DPP10: variants seen among roughly 807,000 people sequenced by gnomAD.
DPP10 encodes dipeptidyl peptidase like 10.
A neutral mutation model predicts 120.9 loss-of-function variants in DPP10; 33 were observed. That is an observed-to-expected ratio of 0.27 (90% CI 0.21 to 0.37). The LOEUF (loss-of-function observed/expected upper bound fraction) is 0.37, where lower values mean the gene tolerates loss of function less well. Among genes scored for constraint, DPP10 ranks in the 10% least tolerant of loss-of-function variants. DPP10 has a pLI of 1.00. For missense variants in DPP10, 816 were observed against 942.8 expected (o/e 0.87, Z 1.76); for synonymous variants, 337 against 326.1 (o/e 1.03, Z -0.36).
At position 114,540,071 on chromosome 2, in the gene DPP10, A is replaced by G. The variant is rs546331561; in HGVS notation, c.60+97233A>G. On this transcript the variant is annotated intron_variant, in intron 1 of 25. Coordinates refer to ENST00000410059, the MANE Select transcript of DPP10 (RefSeq NM_020868.6). ...AATGGAAATCTAAGGTTTGAGTAAC[A>G]GGAAATGTGCAACATATTTTCAAAG... Among the ~76,000 whole-genome samples the G allele has an allele frequency of 2.0e-5, 3 of 152,200 alleles. No homozygotes were observed. In the South Asian group the frequency reaches 6.2e-4, roughly 31 times the overall value.
At chr2:115,099,543 C>A (rs780242176) in intron 1 of DPP10, among the ~76,000 whole-genome samples, 1 of 152,056 alleles carries the variant, frequency 6.6e-6, no homozygotes, top group Non-Finnish European at 1.5e-5. Flanking sequence ...AGGTCAAGGA[C>A]CTTTAAACCT....
intron 3 of DPP10, among the ~76,000 whole-genome samples, chr2:115,437,229 C>T (rs1424233580): frequency 6.6e-6 from 1 of 152,016 alleles, no homozygotes; most frequent in Non-Finnish European, 1.5e-5. Context: ...GAGATTTCTA[C>T]TGAATTAACT....
chr2:115,459,852 G>A (rs2073875477), intron 3 of DPP10, among the ~76,000 whole-genome samples: 1 of 150,486 alleles, frequency 6.6e-6, no homozygotes, highest in South Asian at 2.1e-4. Context: ...GAACAAGCTG[G>A]AAAGGACTAC....
intron 5 of DPP10, among the ~76,000 whole-genome samples, chr2:115,613,463 G>A (rs2084262522): frequency 6.6e-6 from 1 of 152,176 alleles, no homozygotes; most frequent in Non-Finnish European, 1.5e-5. Context: ...ATGCCCTTGA[G>A]TTCTTTAGGG....
rs187645085 is a variant in DPP10 at position 114,941,420 on chromosome 2, T to C, written c.61-367819T>C. On this transcript the variant is annotated intron_variant, in intron 1 of 25. Coordinates refer to ENST00000410059, the MANE Select transcript of DPP10 (RefSeq NM_020868.6). ...AGCTTCTCCATGAACAATCACTCTT[T>C]ATTCCATAAATGATCCAGATGTTCC... Among the ~76,000 whole-genome samples, 90 of 152,354 alleles carry C rather than the reference T, an allele frequency of 5.9e-4. 2 individuals are homozygous for C. The highest frequency in any genetic ancestry group is 6.8e-3 in the Middle Eastern group (2 of 294).
At chr2:115,710,649 A>G (rs1260788418) in intron 7 of DPP10, among the ~76,000 whole-genome samples, 2 of 152,144 alleles carry the variant, frequency 1.3e-5, no homozygotes, top group Admixed American at 1.3e-4. Context: ...ACAAGTCACT[A>G]TAAAATGCCT....
At chr2:114,640,703 C>T (rs911345635) in intron 1 of DPP10, among the ~76,000 whole-genome samples, 3 of 151,858 alleles carry the variant, frequency 2.0e-5, no homozygotes, top group Admixed American at 1.3e-4. Context: ...GTCTTTCTAC[C>T]AGTCAACCAC....
chr2:115,842,062 T>A (rs982532212), intron 25 of DPP10, 149 bp from the exon 26 acceptor site: 6 of 673,734 alleles, frequency 8.9e-6, no homozygotes, highest in Non-Finnish European at 1.4e-5. Context: ...TTTTAAAAGT[T>A]TAGCATGAAT....
chr2:114,469,681 T>C (rs1021239010), intron 1 of DPP10, among the ~76,000 whole-genome samples: 3 of 152,060 alleles, frequency 2.0e-5, no homozygotes, highest in African/African-American at 4.8e-5. Context: ...TGAGCTGAGA[T>C]TGCACCACTG....
intron 21 of DPP10, among the ~76,000 whole-genome samples, chr2:115,834,814 C>A (rs548878005): frequency 6.6e-6 from 1 of 152,006 alleles, no homozygotes; most frequent in Non-Finnish European, 1.5e-5. Context: ...AAGCCGGGCG[C>A]GGTGGCTCAC....
At chr2:114,966,570 T>C (rs991620277) in intron 1 of DPP10, among the ~76,000 whole-genome samples, 39 of 152,126 alleles carry the variant, frequency 2.6e-4, no homozygotes, top group Non-Finnish European at 2.4e-4. Context: ...ATCCATTAGA[T>C]TCATGAACCA....
chr2:115,593,081 G>T (rs1045499569), intron 5 of DPP10, among the ~76,000 whole-genome samples: 1 of 152,060 alleles, frequency 6.6e-6, no homozygotes, highest in African/African-American at 2.4e-5. Context: ...AAGATAAATT[G>T]GTATATACAG....
At chr2:114,827,660 C>T (rs903625573) in intron 1 of DPP10, among the ~76,000 whole-genome samples, 1 of 151,918 alleles carries the variant, frequency 6.6e-6, no homozygotes, top group Non-Finnish European at 1.5e-5. Flanking sequence ...TGTGCATGTA[C>T]AAGTGTTTAA....
chr2:115,362,529 T>C (rs1394155297), intron 3 of DPP10, among the ~76,000 whole-genome samples: 1 of 152,134 alleles, frequency 6.6e-6, no homozygotes, highest in Non-Finnish European at 1.5e-5. Context: ...TTTTCCAACT[T>C]TTGGTTAAGC....
At chr2:115,147,157 T>C (rs1343453903) in intron 1 of DPP10, among the ~76,000 whole-genome samples, 1 of 151,220 alleles carries the variant, frequency 6.6e-6, no homozygotes, top group Non-Finnish European at 1.5e-5. Context: ...CTATATATAC[T>C]ATATATATGC....
At chr2:114,854,989 C>T (rs1689261561) in intron 1 of DPP10, among the ~76,000 whole-genome samples, 1 of 152,158 alleles carries the variant, frequency 6.6e-6, no homozygotes, top group South Asian at 2.1e-4. Context: ...TCTACTTCTA[C>T]TCCTCAGACC....
At chr2:115,734,306 A>G (rs1030024841) in intron 8 of DPP10, among the ~76,000 whole-genome samples, 3 of 152,124 alleles carry the variant, frequency 2.0e-5, no homozygotes, top group Non-Finnish European at 4.4e-5. Flanking sequence ...TTAGAAATCT[A>G]GAGTATTGAT....
At chr2:114,597,365 C>A (rs1411463567) in intron 1 of DPP10, among the ~76,000 whole-genome samples, 1 of 151,920 alleles carries the variant, frequency 6.6e-6, no homozygotes, top group East Asian at 1.9e-4. Context: ...GTTACAAAGA[C>A]CCATTCAAGG....
intron 5 of DPP10, among the ~76,000 whole-genome samples, chr2:115,572,579 A>T (rs1195767854): frequency 6.6e-6 from 1 of 152,200 alleles, no homozygotes; most frequent in Non-Finnish European, 1.5e-5. Context: ...ATACTTACAA[A>T]CAGAGCACAA....
Sources: allele counts gnomAD v4.1 joint callset (sites outside exome capture counted in the v4.1 genomes callset), GRCh38; gene constraint gnomAD v4.1.1; transcripts MANE v1.5; gene names NCBI Gene and HGNC (gene_info 2026-07-23, HGNC 2026-07-21).